The following NKAIN2 variants were observed in gnomAD, a reference collection of about 807,000 sequenced individuals.
NKAIN2 encodes sodium/potassium transporting ATPase interacting 2, also known as sodium/potassium-transporting ATPase subunit beta-1-interacting protein 2.
A neutral mutation model predicts 32.6 loss-of-function variants in NKAIN2; 14 were observed. That is an observed-to-expected ratio of 0.43 (90% CI 0.28 to 0.67). The LOEUF is 0.67. Among genes scored for constraint, NKAIN2 ranks in the 30% least tolerant of loss-of-function variants. The pLI is 0.17. For missense variants in NKAIN2, 198 were observed against 258.3 expected (o/e 0.77, Z 1.60); for synonymous variants, 80 against 87.2 (o/e 0.92, Z 0.46).
chr6:124,306,908 T>C (rs1796525578), intron 2 of NKAIN2, among the ~76,000 whole-genome samples: 1 of 152,158 alleles, frequency 6.6e-6, no homozygotes, highest in African/African-American at 2.4e-5. Flanking sequence ...TTGCTAACCT[T>C]TCATTAAGAA....
intron 3 of NKAIN2, among the ~76,000 whole-genome samples, chr6:124,463,957 A>G (rs760139581): frequency 1.3e-5 from 2 of 152,036 alleles, no homozygotes; most frequent in Non-Finnish European, 2.9e-5. Context: ...GGTGCAGGAA[A>G]TCATTTGAAT....
chr6:124,286,239 T>A (rs1286276382), intron 2 of NKAIN2, among the ~76,000 whole-genome samples: 1 of 152,114 alleles, frequency 6.6e-6, no homozygotes, highest in Non-Finnish European at 1.5e-5. Context: ...ATTTCATTGT[T>A]TCTTTAAGCC....
chr6:124,155,138 A>G (rs905473341), intron 1 of NKAIN2, among the ~76,000 whole-genome samples: 3 of 152,056 alleles, frequency 2.0e-5, no homozygotes, highest in African/African-American at 7.2e-5. Flanking sequence ...TTTTTTTATT[A>G]ATTCTAGTTA....
At chr6:124,152,334 G>C (rs1787768215) in intron 1 of NKAIN2, among the ~76,000 whole-genome samples, 1 of 151,890 alleles carries the variant, frequency 6.6e-6, no homozygotes, top group Admixed American at 6.6e-5. Context: ...GCACCAGTAT[G>C]CATGATCTAA....
chr6:124,602,815 G>C (rs534183580), intron 3 of NKAIN2, among the ~76,000 whole-genome samples: 2 of 151,738 alleles, frequency 1.3e-5, no homozygotes, highest in African/African-American at 4.8e-5. Flanking sequence ...TAGAACTTTC[G>C]TTTTCCACAA....
At chr6:124,145,762 C>T (rs568818181) in intron 1 of NKAIN2, among the ~76,000 whole-genome samples, 1 of 152,228 alleles carries the variant, frequency 6.6e-6, no homozygotes, top group South Asian at 2.1e-4. Context: ...CCCTCAGCCT[C>T]CCAAAGTGCT....
chr6:124,373,313 A>G (rs1458032970), intron 3 of NKAIN2, among the ~76,000 whole-genome samples: 1 of 152,078 alleles, frequency 6.6e-6, no homozygotes, highest in Non-Finnish European at 1.5e-5. Flanking sequence ...CTTTGTTGAC[A>G]TGAGAAAGAC....
At chr6:124,808,395 T>A (rs1000833366) in intron 5 of NKAIN2, among the ~76,000 whole-genome samples, 2 of 152,166 alleles carry the variant, frequency 1.3e-5, no homozygotes, top group Non-Finnish European at 2.9e-5. Flanking sequence ...CATGACTATC[T>A]TAATAGATGC....
At chr6:123,841,078 C>CTA (rs1409792615) in intron 1 of NKAIN2, among the ~76,000 whole-genome samples, 3 of 152,108 alleles carry the variant, frequency 2.0e-5, no homozygotes, top group African/African-American at 7.2e-5. Flanking sequence ...TACTTTTGAA[C>CTA]TATAGCACAA....
At chr6:124,123,798 G>T (rs1786012376) in intron 1 of NKAIN2, among the ~76,000 whole-genome samples, 2 of 152,064 alleles carry the variant, frequency 1.3e-5, no homozygotes, top group South Asian at 4.1e-4. Flanking sequence ...CCTCTATATA[G>T]TTGGATGACT....
chr6:124,300,618 T>G (rs1479407603), intron 2 of NKAIN2, among the ~76,000 whole-genome samples: 1 of 152,188 alleles, frequency 6.6e-6, no homozygotes, highest in Non-Finnish European at 1.5e-5. Context: ...GGAACTTCCT[T>G]GAGACTTGTT....
chr6:123,970,449 G>A (rs1778288358), intron 1 of NKAIN2, among the ~76,000 whole-genome samples: 1 of 152,060 alleles, frequency 6.6e-6, no homozygotes, highest in African/African-American at 2.4e-5. Context: ...ATTTACCACG[G>A]GAAATAGTAC....
At chr6:124,636,266 G>T (rs1783769850) in intron 3 of NKAIN2, among the ~76,000 whole-genome samples, 1 of 151,700 alleles carries the variant, frequency 6.6e-6, no homozygotes, top group South Asian at 2.1e-4. Flanking sequence ...AAAAACCTAT[G>T]GGTTACAGAA....
chr6:124,608,129 C>A (rs1262361099), intron 3 of NKAIN2, among the ~76,000 whole-genome samples: 1 of 152,110 alleles, frequency 6.6e-6, no homozygotes, highest in African/African-American at 2.4e-5. Flanking sequence ...CAAACCGAAG[C>A]CAAAAAGAAC....
At chr6:124,212,492 G>A (rs1300465079) in intron 1 of NKAIN2, among the ~76,000 whole-genome samples, 1 of 152,010 alleles carries the variant, frequency 6.6e-6, no homozygotes, top group Non-Finnish European at 1.5e-5. Flanking sequence ...TTGGTCCAAT[G>A]GCAGCTACTA....
At chr6:123,804,354 A>G in intron 1 of NKAIN2, 100 bp downstream of exon 1, 1 of 1,003,244 alleles carries the variant, frequency 1.0e-6, no homozygotes, top group Admixed American at 1.7e-5. Flanking sequence ...TGGACGAAAA[A>G]GATAAAAGAG....
intron 2 of NKAIN2, among the ~76,000 whole-genome samples, chr6:124,312,545 A>G (rs1259399083): frequency 1.3e-5 from 2 of 152,188 alleles, no homozygotes; most frequent in Non-Finnish European, 2.9e-5. Context: ...ATACAGATGA[A>G]GAGATGCAAA....
intron 1 of NKAIN2, among the ~76,000 whole-genome samples, chr6:123,868,729 G>T (rs904183993): frequency 1.6e-4 from 25 of 152,070 alleles, no homozygotes; most frequent in Non-Finnish European, 1.2e-4. Flanking sequence ...TTGCCCCATT[G>T]GCTTCCTCAT....
chr6:124,405,916 A>G (rs1773836820), intron 3 of NKAIN2, among the ~76,000 whole-genome samples: 1 of 152,132 alleles, frequency 6.6e-6, no homozygotes, highest in South Asian at 2.1e-4. Context: ...GTCTAAAATT[A>G]CTGAGTATTC....
Sources: gnomAD v4.1 joint callset for allele counts (sites outside exome capture counted in the v4.1 genomes callset) on GRCh38, gnomAD v4.1.1 for gene constraint, MANE v1.5 for transcripts, NCBI Gene and HGNC (gene_info 2026-07-23, HGNC 2026-07-21) for gene names.